The following TMEM45A variants were observed in gnomAD, a reference collection of about 807,000 sequenced individuals.
TMEM45A encodes DNA polymerase-transactivated protein 4.
In TMEM45A, 25 loss-of-function variants were observed where a neutral mutation model predicts 32.0. That is an observed-to-expected ratio of 0.78 (90% confidence interval 0.57 to 1.09). The LOEUF (loss-of-function observed/expected upper bound fraction) is 1.09. Among genes scored for constraint, TMEM45A ranks in the 50% least tolerant of loss-of-function variants. The pLI, the probability that TMEM45A is intolerant of heterozygous loss-of-function variation, is 0.00. For missense variants in TMEM45A, 302 were observed against 325.0 expected, an observed-to-expected ratio of 0.93 and a Z score of 0.54; for synonymous variants, 122 against 114.8, an observed-to-expected ratio of 1.06 and a Z score of -0.40.
intron 3 of TMEM45A, among the ~76,000 whole-genome samples, chr3:100,557,601 A>G (rs1453536959): frequency 1.3e-5 from 2 of 151,806 alleles, no homozygotes; most frequent in African/African-American, 4.8e-5. Context: ...TAGATTGATT[A>G]TGGAAATAGA....
At chr3:100,506,055 A>G (rs1708075717) in intron 1 of TMEM45A, among the ~76,000 whole-genome samples, 1 of 152,166 alleles carries the variant, frequency 6.6e-6, no homozygotes, top group Non-Finnish European at 1.5e-5. Flanking sequence ...CAGCACCTGT[A>G]TGTGGGGAAA....
At chr3:100,567,319 CAT>C in intron 4 of TMEM45A, among the ~76,000 whole-genome samples, 1 of 151,970 alleles carries the variant, frequency 6.6e-6, no homozygotes, top group Middle Eastern at 3.4e-3. Flanking sequence ...TGACCTCAGA[CAT>C]ATGAGTTTAT....
chr3:100,547,902 T>C (rs1706011713), intron 1 of TMEM45A, among the ~76,000 whole-genome samples: 1 of 152,174 alleles, frequency 6.6e-6, no homozygotes, highest in African/African-American at 2.4e-5. Context: ...TGTTTTTGTG[T>C]TTTATTTTTA....
At chr3:100,504,570 C>T (rs9863954) in intron 1 of TMEM45A, among the ~76,000 whole-genome samples, 67 of 152,328 alleles carry the variant, frequency 4.4e-4, no homozygotes, top group Non-Finnish European at 7.5e-4. Flanking sequence ...TATTTACCAA[C>T]GGCCCAAAAG....
chr3:100,505,361 A>T (rs9813069), intron 1 of TMEM45A, among the ~76,000 whole-genome samples: 74,524 of 152,086 alleles, frequency 0.49, 20,614 homozygotes, highest in African/African-American at 0.76. Flanking sequence ...CCCCCAACCC[A>T]TGACTTTTTA....
At chr3:100,499,247 A>G (rs1322958300) in intron 1 of TMEM45A, among the ~76,000 whole-genome samples, 1 of 152,128 alleles carries the variant, frequency 6.6e-6, no homozygotes. Context: ...TTTTGGTGTC[A>G]TATCTAAGAT....
intron 1 of TMEM45A, among the ~76,000 whole-genome samples, chr3:100,504,587 G>A (rs1337243600): frequency 1.3e-5 from 2 of 152,164 alleles, no homozygotes; most frequent in Admixed American, 6.5e-5. Context: ...AAAGTCCCTG[G>A]GTCATCTGGC....
chr3:100,560,386 G>A (rs1048741694), intron 4 of TMEM45A, among the ~76,000 whole-genome samples: 3 of 151,854 alleles, frequency 2.0e-5, no homozygotes, highest in Admixed American at 6.6e-5. Flanking sequence ...AAGATTTGAT[G>A]TGTTAGTTTG....
intron 1 of TMEM45A, among the ~76,000 whole-genome samples, chr3:100,497,355 C>T (rs1246983975): frequency 6.6e-6 from 1 of 152,190 alleles, no homozygotes; most frequent in East Asian, 1.9e-4. Context: ...GTCTGGCTCA[C>T]AGTAAAGCCT....
At chr3:100,493,217 G>A (rs969458810) in intron 1 of TMEM45A, among the ~76,000 whole-genome samples, 1 of 135,256 alleles carries the variant, frequency 7.4e-6, no homozygotes, top group Non-Finnish European at 1.5e-5. Flanking sequence ...CTCCAAAATT[G>A]AATCTATTGA....
chr3:100,546,441 T>G (rs1346978962), intron 1 of TMEM45A, among the ~76,000 whole-genome samples: 1 of 152,224 alleles, frequency 6.6e-6, no homozygotes, highest in Non-Finnish European at 1.5e-5. Flanking sequence ...GATAAATCAT[T>G]GCTCACTGAG....
chr3:100,559,050 T>G (rs1039097622), intron 4 of TMEM45A, among the ~76,000 whole-genome samples: 1 of 152,178 alleles, frequency 6.6e-6, no homozygotes, highest in Non-Finnish European at 1.5e-5. Flanking sequence ...AATTTACAGA[T>G]AGGAAGACTC....
chr3:100,547,008 T>C (rs961275265), intron 1 of TMEM45A, among the ~76,000 whole-genome samples: 3 of 152,168 alleles, frequency 2.0e-5, no homozygotes, highest in African/African-American at 7.2e-5. Flanking sequence ...CCCCTTGCAG[T>C]AAAAAATCCA....
At chr3:100,543,261 G>A (rs1018805964) in intron 1 of TMEM45A, among the ~76,000 whole-genome samples, 103 of 152,144 alleles carry the variant, frequency 6.8e-4, no homozygotes, top group African/African-American at 2.3e-3. Flanking sequence ...ATTGATGGAT[G>A]TTCAGATTAT....
intron 1 of TMEM45A, among the ~76,000 whole-genome samples, chr3:100,515,698 T>C (rs1045428559): frequency 1.3e-5 from 2 of 151,330 alleles, no homozygotes; most frequent in African/African-American, 2.4e-5. Flanking sequence ...TGTAGCAACA[T>C]TGATGGAACT....
At chr3:100,516,769 ATTTTTCTGAAAT>A (rs1708268637) in intron 1 of TMEM45A, among the ~76,000 whole-genome samples, 1 of 152,028 alleles carries the variant, frequency 6.6e-6, no homozygotes, top group Non-Finnish European at 1.5e-5. Context: ...TCCTTCTTCA[ATTTTTCTGAAAT>A]TAAGAGAGCC....
At chr3:100,517,197 A>G (rs1708277197) in intron 1 of TMEM45A, among the ~76,000 whole-genome samples, 1 of 151,722 alleles carries the variant, frequency 6.6e-6, no homozygotes, top group African/African-American at 2.4e-5. Context: ...GATTATTGCA[A>G]CCTCCGCCTT....
intron 1 of TMEM45A, among the ~76,000 whole-genome samples, chr3:100,501,225 T>C (rs1708004009): frequency 6.6e-6 from 1 of 152,248 alleles, no homozygotes; most frequent in Non-Finnish European, 1.5e-5. Context: ...ACATTGCCCT[T>C]GAGAATTCTA....
intron 4 of TMEM45A, among the ~76,000 whole-genome samples, chr3:100,566,245 G>A (rs1391471713): frequency 6.6e-6 from 1 of 151,978 alleles, no homozygotes; most frequent in Non-Finnish European, 1.5e-5. Context: ...TACAAGTTTT[G>A]TTTGAATACC....
Sources: gnomAD v4.1 joint callset for allele counts (sites outside exome capture counted in the v4.1 genomes callset) on GRCh38, gnomAD v4.1.1 for gene constraint, MANE v1.5 for transcripts, NCBI Gene and HGNC (gene_info 2026-07-23, HGNC 2026-07-21) for gene names.